OCA2: variants seen among roughly 807,000 people sequenced by gnomAD.
The protein encoded by OCA2 is OCA2 melanosomal transmembrane protein.
OCA2 carries 77 observed loss-of-function variants against 100.2 expected under a neutral mutation model. The observed-to-expected ratio is 0.77, with a 90% CI of 0.64 to 0.93. OCA2 has a LOEUF of 0.93. OCA2 is among the 40% of genes least tolerant of loss of function. The pLI is 0.00. For synonymous variants in OCA2, 432 were observed against 439.2 expected, an observed-to-expected ratio of 0.98 and a Z score of 0.21; for missense variants, 1,062 against 1,089.1, an observed-to-expected ratio of 0.98 and a Z score of 0.35.
intron 23 of OCA2, among the ~76,000 whole-genome samples, chr15:27,756,587 T>C (rs931452796): frequency 3.3e-5 from 5 of 152,078 alleles, no homozygotes; most frequent in African/African-American, 1.2e-4. Context: ...GTTTGCAAAA[T>C]GTCAGCCCTG....
intron 1 of OCA2, among the ~76,000 whole-genome samples, chr15:28,098,486 C>A (rs566438075): frequency 6.6e-6 from 1 of 151,322 alleles, no homozygotes; most frequent in African/African-American, 2.4e-5. Context: ...CCTCGGGTTT[C>A]TTTTCCTCAG....
chr15:28,075,543 T>G (rs1192830657), intron 2 of OCA2, among the ~76,000 whole-genome samples: 1 of 152,224 alleles, frequency 6.6e-6, no homozygotes, highest in Non-Finnish European at 1.5e-5. Context: ...CATATATTTA[T>G]CAAATAACTC....
At chr15:27,926,944 T>C (rs557726895) in intron 18 of OCA2, among the ~76,000 whole-genome samples, 26 of 152,274 alleles carry the variant, frequency 1.7e-4, no homozygotes, top group African/African-American at 5.5e-4. Context: ...TGTTTCTCAA[T>C]AGACAGATCA....
intron 19 of OCA2, among the ~76,000 whole-genome samples, chr15:27,887,155 C>T (rs776825694): frequency 1.3e-5 from 2 of 152,196 alleles, no homozygotes; most frequent in East Asian, 3.8e-4. Flanking sequence ...GATCGTGAGG[C>T]CTCCCCAGCC....
At chr15:28,038,661 A>C (rs1189859664) in intron 2 of OCA2, among the ~76,000 whole-genome samples, 1 of 152,222 alleles carries the variant, frequency 6.6e-6, no homozygotes, top group African/African-American at 2.4e-5. Flanking sequence ...AAACCGAAAA[A>C]AACACAAACA....
chr15:27,993,248 T>C (rs1035129186), intron 9 of OCA2, among the ~76,000 whole-genome samples: 2 of 152,212 alleles, frequency 1.3e-5, no homozygotes, highest in Non-Finnish European at 1.5e-5. Flanking sequence ...GATTAAGTGC[T>C]CTACACACAC....
intron 23 of OCA2, among the ~76,000 whole-genome samples, chr15:27,800,296 A>G (rs911368328): frequency 2.0e-5 from 3 of 152,208 alleles, no homozygotes; most frequent in Non-Finnish European, 4.4e-5. Flanking sequence ...AAAAACTGGA[A>G]AAAAGGAGAA....
At chr15:27,948,106 G>A (rs2039906102) in intron 18 of OCA2, among the ~76,000 whole-genome samples, 1 of 152,220 alleles carries the variant, frequency 6.6e-6, no homozygotes, top group Admixed American at 6.5e-5. Context: ...CACAGACCAT[G>A]TCCTTGAGTC....
intron 14 of OCA2, among the ~76,000 whole-genome samples, chr15:27,978,587 AATATAG>A (rs2041042477): frequency 6.6e-6 from 1 of 152,196 alleles, no homozygotes; most frequent in Non-Finnish European, 1.5e-5. Context: ...GTCAGATATT[AATATAG>A]CCACTTTGTT....
Position 27,957,451 on chromosome 15 carries a change from T to G in OCA2, c.1784+137A>C. The G allele has an allele frequency of 9.6e-7, 1 of 1,037,532 alleles. No individual in the cohort carries two copies. The highest frequency in any genetic ancestry group is 1.5e-6 in the Non-Finnish European group (1 of 679,214). 64.3% of individuals were successfully genotyped at this position (1,037,532 alleles called of 1,614,324 possible). ...AGAGCTCAGTGAGGGTTAGATAAAATGTACTATAAGAGGCTTAGCACAGTG... is the reference window on the plus strand; with the variant it reads ...AGAGCTCAGTGAGGGTTAGATAAAAGGTACTATAAGAGGCTTAGCACAGTG... On this transcript the variant is annotated intron_variant, in intron 16 of 23. Transcript: ENST00000354638. This position sits in a 1 kb window ranked among gnomAD's most constrained non-coding sequence, Gnocchi z 4.3.
chr15:28,051,595 CTTTTTTTTTT>C (rs11292828), intron 2 of OCA2, among the ~76,000 whole-genome samples: 5 of 82,484 alleles, frequency 6.1e-5, no homozygotes, highest in African/African-American at 2.2e-4. Context: ...CCTGGCCTTC[CTTTTTTTTTT>C]TTTTTTTTTT....
the OCA2 span, among the ~76,000 whole-genome samples, chr15:27,722,382 C>T: frequency 6.6e-6 from 1 of 152,196 alleles, no homozygotes; most frequent in African/African-American, 2.4e-5. Flanking sequence ...ACCAAAATGC[C>T]AGATCGCCTT....
intron 13 of OCA2, among the ~76,000 whole-genome samples, 182 bp downstream of exon 13, chr15:27,984,882 G>A (rs141662330): frequency 0.021 from 3,153 of 152,300 alleles, 55 homozygotes; most frequent in Middle Eastern, 0.071. Flanking sequence ...CCCACTGCTT[G>A]TAGCATGTAC....
intron 19 of OCA2, among the ~76,000 whole-genome samples, chr15:27,878,755 G>C (rs1166596085): frequency 6.6e-6 from 1 of 152,076 alleles, no homozygotes; most frequent in Non-Finnish European, 1.5e-5. Context: ...TGCAAAGATT[G>C]ACAATTCTGT....
intron 2 of OCA2, among the ~76,000 whole-genome samples, chr15:28,059,495 T>C (rs1461116866): frequency 6.6e-6 from 1 of 152,278 alleles, no homozygotes; most frequent in East Asian, 1.9e-4. Context: ...GAGCTATGAC[T>C]GCACCACTGC....
chr15:27,775,512 AG>A (rs1000181531), intron 23 of OCA2: 1 of 152,456 alleles, frequency 6.6e-6, no homozygotes, highest in Non-Finnish European at 1.5e-5. Context: ...CCCATCACTC[AG>A]GAATTACTCC....
At chr15:27,950,379 G>T in intron 18 of OCA2, 2 of 327,134 alleles carry the variant, frequency 6.1e-6, no homozygotes, top group Admixed American at 4.4e-5. Flanking sequence ...AATTACATTA[G>T]GCCTGAGGCG....
intron 23 of OCA2, among the ~76,000 whole-genome samples, chr15:27,812,473 T>C (rs2034117311): frequency 6.6e-6 from 1 of 152,152 alleles, no homozygotes; most frequent in Non-Finnish European, 1.5e-5. Flanking sequence ...AAGTTCATGA[T>C]AGGTTTTTAT....
At chr15:28,059,881 G>A (rs1448482) in intron 2 of OCA2, among the ~76,000 whole-genome samples, 7,740 of 152,220 alleles carry the variant, frequency 0.051, 628 homozygotes, top group African/African-American at 0.18. Context: ...TACTTACTCC[G>A]TTTCTTTCTA....
Sources: allele counts gnomAD v4.1 joint callset (sites outside exome capture counted in the v4.1 genomes callset), GRCh38; gene constraint gnomAD v4.1.1; non-coding constraint Gnocchi (gnomAD v3.1); transcripts MANE v1.5; gene names NCBI Gene and HGNC (gene_info 2026-07-23, HGNC 2026-07-21).